The following CSNK2A2IP variants were observed in gnomAD, a reference collection of about 807,000 sequenced individuals.
The protein encoded by CSNK2A2IP is casein kinase II subunit alpha'-interacting protein.
chr3:88,443,099 C>A, the CSNK2A2IP span, among the ~76,000 whole-genome samples: 2 of 152,078 alleles, frequency 1.3e-5, no homozygotes, highest in African/African-American at 4.8e-5. Context: ...ATGAAAATAA[C>A]ACAGATGTAT....
the CSNK2A2IP span, among the ~76,000 whole-genome samples, chr3:88,449,872 T>G: frequency 0.49 from 38,522 of 78,834 alleles, 9,543 homozygotes; most frequent in South Asian, 0.59. Flanking sequence ...TATATATATA[T>G]ATAGAGAGAG....
At chr3:88,390,365 T>G in the CSNK2A2IP span, among the ~76,000 whole-genome samples, 1 of 152,160 alleles carries the variant, frequency 6.6e-6, no homozygotes, top group Admixed American at 6.5e-5. Flanking sequence ...CAACCCAGGA[T>G]AAAGGTACTG....
chr3:88,465,032 AAATT>A, the CSNK2A2IP span: 2 of 189,548 alleles, frequency 1.1e-5, no homozygotes, highest in Admixed American at 1.2e-4. Flanking sequence ...GTACTTAAGA[AAATT>A]AATATTTCTA....
At chr3:88,460,883 T>C in the CSNK2A2IP span, among the ~76,000 whole-genome samples, 1 of 150,926 alleles carries the variant, frequency 6.6e-6, no homozygotes, top group Admixed American at 6.6e-5. Flanking sequence ...AAGTCAGGAG[T>C]TCAAGACCAA....
chr3:88,352,358 A>G, the CSNK2A2IP span, among the ~76,000 whole-genome samples: 1 of 152,132 alleles, frequency 6.6e-6, no homozygotes, highest in South Asian at 2.1e-4. Context: ...CTTTGAAAAA[A>G]TTGATTTTAA....
the CSNK2A2IP span, among the ~76,000 whole-genome samples, chr3:88,452,034 A>T: frequency 6.6e-6 from 1 of 152,100 alleles, no homozygotes; most frequent in Non-Finnish European, 1.5e-5. Flanking sequence ...CTGCTCTGGA[A>T]TATTCTCTAA....
the CSNK2A2IP span, among the ~76,000 whole-genome samples, chr3:88,444,175 T>C: frequency 2.0e-5 from 3 of 152,250 alleles, no homozygotes; most frequent in East Asian, 5.8e-4. Flanking sequence ...TAGTTTGCTT[T>C]TTCTTGGGAT....
the CSNK2A2IP span, among the ~76,000 whole-genome samples, chr3:88,438,929 A>G: frequency 2.0e-5 from 3 of 147,300 alleles, no homozygotes; most frequent in South Asian, 2.2e-4. Flanking sequence ...AAACTCATGT[A>G]TCACCGCTCC....
the CSNK2A2IP span, among the ~76,000 whole-genome samples, chr3:88,379,304 T>C: frequency 6.6e-6 from 1 of 152,060 alleles, no homozygotes; most frequent in African/African-American, 2.4e-5. Flanking sequence ...AAACGCCTTG[T>C]CAAAAGAAGA....
At chr3:88,463,069 G>A in the CSNK2A2IP span, among the ~76,000 whole-genome samples, 10 of 152,258 alleles carry the variant, frequency 6.6e-5, no homozygotes, top group South Asian at 4.1e-4. Context: ...GAAATTTCTA[G>A]CAATGATAGA....
At chr3:88,369,965 C>CA in the CSNK2A2IP span, among the ~76,000 whole-genome samples, 67 of 151,950 alleles carry the variant, frequency 4.4e-4, no homozygotes, top group African/African-American at 1.6e-3. Context: ...CGGAGGCCAC[C>CA]AGGGGCCTAG....
At chr3:88,467,006 T>C in the CSNK2A2IP span, 1 of 1,211,650 alleles carries the variant, frequency 8.3e-7, no homozygotes, top group Non-Finnish European at 1.0e-6. Flanking sequence ...GAAGACAACC[T>C]TGAAGGAGTA....
chr3:88,447,438 T>A, the CSNK2A2IP span, among the ~76,000 whole-genome samples: 2 of 152,222 alleles, frequency 1.3e-5, no homozygotes, highest in African/African-American at 4.8e-5. Flanking sequence ...TATAAATTTT[T>A]AAAAATAATT....
the CSNK2A2IP span, among the ~76,000 whole-genome samples, chr3:88,383,391 A>T: frequency 6.6e-6 from 1 of 152,218 alleles, no homozygotes; most frequent in Non-Finnish European, 1.5e-5. Flanking sequence ...CTATAAAATG[A>T]TGATGACAAT....
At chr3:88,389,399 G>A in the CSNK2A2IP span, among the ~76,000 whole-genome samples, 1 of 152,162 alleles carries the variant, frequency 6.6e-6, no homozygotes, top group Admixed American at 6.5e-5. Flanking sequence ...GGAACCGCTG[G>A]AAAGCTGATG....
the CSNK2A2IP span, chr3:88,465,962 C>T: frequency 8.1e-7 from 1 of 1,231,678 alleles, no homozygotes. Context: ...TGGACATCAT[C>T]TTCCTTGGGA....
At chr3:88,463,051 C>T in the CSNK2A2IP span, among the ~76,000 whole-genome samples, 6 of 152,036 alleles carry the variant, frequency 3.9e-5, no homozygotes, top group South Asian at 4.1e-4. Context: ...GTCACCTTGA[C>T]ATAAAGAGAA....
the CSNK2A2IP span, among the ~76,000 whole-genome samples, chr3:88,400,145 A>C: frequency 6.6e-6 from 1 of 152,208 alleles, no homozygotes; most frequent in Non-Finnish European, 1.5e-5. Context: ...TGAGAAATCT[A>C]TTCAAGATGG....
the CSNK2A2IP span, among the ~76,000 whole-genome samples, chr3:88,452,260 G>A: frequency 1.3e-5 from 2 of 151,754 alleles, no homozygotes; most frequent in African/African-American, 2.4e-5. Flanking sequence ...TCTGTGGAAG[G>A]TTCCTATTTT....
Sources: gnomAD v4.1 joint callset for allele counts (sites outside exome capture counted in the v4.1 genomes callset) on GRCh38, gnomAD v4.1.1 for gene constraint, MANE v1.5 for transcripts, NCBI Gene and HGNC (gene_info 2026-07-23, HGNC 2026-07-21) for gene names.